THOC3: variants seen among roughly 807,000 people sequenced by gnomAD.
THOC3 encodes THO complex subunit 3.
THOC3 carries 4 observed loss-of-function variants against 23.3 expected under a neutral mutation model. The observed-to-expected ratio is 0.17, with a 90% confidence interval of 0.08 to 0.39. The LOEUF (loss-of-function observed/expected upper bound fraction) is 0.39, where lower values mean the gene tolerates loss of function less well. Among genes scored for constraint, THOC3 ranks in the 10% least tolerant of loss-of-function variants. The pLI is 1.00. For missense variants in THOC3, 64 were observed against 359.4 expected (o/e 0.18, Z 6.65); for synonymous variants, 27 against 141.5 (o/e 0.19, Z 5.74).
Position 175,968,095 on chromosome 5 carries a change from C to T in THOC3, c.114G>A (p.Met38Ile). ...SSGPSRYVLG[M>I]QELFRGHSKT... is the part of the protein sequence containing the mutation. ...TGCTGTGGCCCCGGAACAGCTCCTG[C>T]ATCCCAAGCACGTAGCGCGACGGGC... Residue 38 changes from methionine (M) to isoleucine (I), a missense_variant, in exon 1 of 6, where the codon ATG (methionine) becomes ATA (isoleucine). By Grantham distance (10) the Met-to-Ile change is conservative (BLOSUM62 1). Transcript: ENST00000265097. 1 of 1,610,900 alleles carries T rather than the reference C, an allele frequency of 6.2e-7. No individual in the cohort carries two copies. The highest frequency in any genetic ancestry group is 8.5e-7 in the Non-Finnish European group (1 of 1,179,336).
intron 3 of THOC3, among the ~76,000 whole-genome samples, chr5:175,962,454 G>A (rs1333729532): frequency 8.6e-5 from 6 of 69,910 alleles, no homozygotes; most frequent in African/African-American, 3.6e-4. Context: ...GTAATTCCTA[G>A]GCCAACCCAG....
In THOC3 at chr5:175,964,802, A is replaced by G. The variant is rs201916559; in HGVS notation, c.629+149T>C. ...AAAATATAAAGTATATAAAATATAC[A>G]GCTCAAATGTACTTAAGACAGGTTA... On this transcript the variant is annotated intron_variant, in intron 3 of 5. Transcript: ENST00000265097. 230 of 500,740 alleles carry G rather than the reference A, an allele frequency of 4.6e-4. No individual in the cohort carries two copies. In the East Asian group the frequency reaches 5.2e-3, roughly 11 times the overall value. 31.0% of individuals were successfully genotyped at this position (500,740 alleles called of 1,614,324 possible).
chr5:175,961,801 A>C (rs1756664301), intron 3 of THOC3, among the ~76,000 whole-genome samples: 1 of 152,108 alleles, frequency 6.6e-6, no homozygotes, highest in Non-Finnish European at 1.5e-5. Context: ...TACATCCAGC[A>C]AAACTGAATT....
intron 3 of THOC3, among the ~76,000 whole-genome samples, chr5:175,963,076 TA>T (rs540387784): frequency 3.6e-5 from 5 of 140,182 alleles, no homozygotes; most frequent in South Asian, 2.3e-4. Flanking sequence ...AATGATTCTT[TA>T]AAAAAAAAAC....
chr5:175,962,681 C>G (rs199562382), intron 3 of THOC3, among the ~76,000 whole-genome samples: 3,541 of 141,538 alleles, frequency 0.025, no homozygotes, highest in East Asian at 0.09. Context: ...TGCGTCACCA[C>G]GCCCAGATAA....
chr5:175,965,550 G>A lies in THOC3; in HGVS notation c.425-395C>T, dbSNP rs554803540. The stretch of plus-strand genomic sequence containing the variant: ...CGCCATTCTCTCGCCTCAGCCTCCC[G>A]AGTAGCTGGGACTACAGGCGCCTGC... On this transcript the variant is annotated intron_variant, in intron 2 of 5. Coordinates refer to ENST00000265097, the MANE Select transcript of THOC3 (RefSeq NM_032361.4). Among the ~76,000 whole-genome samples, 17 of 152,312 alleles carry A rather than the reference G, an allele frequency of 1.1e-4. No homozygotes were observed. The East Asian group carries it at 3.1e-3, about 28-fold the overall frequency.
At chr5:175,963,954 T>C (rs1339979929) in intron 3 of THOC3, among the ~76,000 whole-genome samples, 1 of 152,312 alleles carries the variant, frequency 6.6e-6, no homozygotes, top group Non-Finnish European at 1.5e-5. Context: ...ATAGTATGTC[T>C]GTTCTTTCCG....
At chr5:175,966,945 A>G (rs1314393990) in intron 2 of THOC3, among the ~76,000 whole-genome samples, 166 bp downstream of exon 2, 4 of 150,948 alleles carry the variant, frequency 2.6e-5, no homozygotes, top group African/African-American at 9.8e-5. Context: ...ATTTGTATAT[A>G]TATGTCTTCT....
chr5:175,960,430 T>C lies in THOC3; in HGVS notation c.893-298A>G. The C allele has an allele frequency of 1.3e-5, 4 of 319,734 alleles. No individual in the cohort carries two copies. The South Asian group carries it at 1.5e-4, about 12-fold the overall frequency. 19.8% of individuals were successfully genotyped at this position (319,734 alleles called of 1,614,324 possible). ...ATCTGCATGGCTGGATGCTGGACAATGTTCACCACAACGTGACTAACAGGG... is the reference window on the plus strand; with the variant it reads ...ATCTGCATGGCTGGATGCTGGACAACGTTCACCACAACGTGACTAACAGGG... On this transcript the variant is annotated intron_variant, in intron 5 of 5. Transcript: ENST00000265097.
chr5:175,966,063 G>A (rs1756761013), intron 2 of THOC3, among the ~76,000 whole-genome samples: 1 of 148,762 alleles, frequency 6.7e-6, no homozygotes, highest in African/African-American at 2.5e-5. Context: ...TGTGCCTGTA[G>A]TCCCAGCTAC....
In THOC3 at chr5:175,965,256, C is replaced by A; in HGVS notation, c.425-101G>T. On this transcript the variant is annotated intron_variant, in intron 2 of 5. Coordinates refer to ENST00000265097, the MANE Select transcript of THOC3 (RefSeq NM_032361.4). ...AAGAAGACCAGAGCTTTCTTCCGGG[C>A]TTACTCATTAAAGTCCTAGACAATG... 11 of 1,541,248 alleles carry A rather than the reference C, an allele frequency of 7.1e-6. No homozygotes were observed. In the South Asian group the frequency reaches 1.4e-4, roughly 19 times the overall value.
intron 2 of THOC3, among the ~76,000 whole-genome samples, chr5:175,966,669 C>T (rs1756772043): frequency 7.1e-6 from 1 of 141,832 alleles, no homozygotes; most frequent in South Asian, 2.3e-4. Flanking sequence ...TCCCAGATCA[C>T]CAAGACCATC....
At chr5:175,963,205 T>C (rs1475413056) in intron 3 of THOC3, among the ~76,000 whole-genome samples, 1 of 152,234 alleles carries the variant, frequency 6.6e-6, no homozygotes, top group East Asian at 1.9e-4. Context: ...AAATCGCAGA[T>C]GAGAAGCAGC....
chr5:175,965,319 G>C (rs1220754199), intron 2 of THOC3, 164 bp from the exon 3 acceptor site: 13 of 1,263,458 alleles, frequency 1.0e-5, no homozygotes, highest in Non-Finnish European at 1.3e-5. Flanking sequence ...AATAAGTCCA[G>C]AACTTTCATC....
In THOC3 at chr5:175,962,562, T is replaced by C. The variant is rs1200924045; in HGVS notation, c.630-1128A>G. On this transcript the variant is annotated intron_variant, in intron 3 of 5. Transcript: ENST00000265097. ...TTTGAGGTGGAATCTCACTCAGTCG[T>C]CCAGAATGCTGGAGTGCAGTGGTGC... 4.7e-5 allele frequency among the ~76,000 whole-genome samples: 7 copies of C among 148,556 alleles called. No homozygotes were observed. The South Asian group carries it at 1.1e-3, about 23-fold the overall frequency.
In THOC3 at chr5:175,968,056, G is replaced by C. The variant is rs772138521; in HGVS notation, c.153C>G (p.Phe51Leu). The part of the protein sequence containing the change: ...LFRGHSKTRE[F>L]LAHSAKVHSV... ...AGTGCACCTTGGCGCTGTGCGCCAG[G>C]AACTCGCGCGTCTTGCTGTGGCCCC... Residue 51 changes from phenylalanine to leucine, a missense_variant, in exon 1 of 6, where the codon TTC becomes TTG. By Grantham distance (22) the Phe-to-Leu change is conservative. Coordinates refer to ENST00000265097, the MANE Select transcript of THOC3 (RefSeq NM_032361.4). 6.2e-7 allele frequency: 1 copy of C among 1,610,286 alleles called. No individual in the cohort carries two copies. The highest frequency in any genetic ancestry group is 8.5e-7 in the Non-Finnish European group (1 of 1,179,236).
intron 5 of THOC3, chr5:175,960,591 G>A (rs1007937640): frequency 8.6e-6 from 1 of 116,666 alleles, no homozygotes; most frequent in Non-Finnish European, 1.8e-5. Flanking sequence ...ACAAATCTGA[G>A]GAAATTCTTT....
intron 2 of THOC3, among the ~76,000 whole-genome samples, chr5:175,965,432 T>C (rs57204569): frequency 0.11 from 15,985 of 151,000 alleles, 365 homozygotes; most frequent in East Asian, 0.24. Context: ...AAATAGGAGA[T>C]AAGACGACAA....
chr5:175,962,324 T>C (rs1756673951), intron 3 of THOC3, among the ~76,000 whole-genome samples: 1 of 140,938 alleles, frequency 7.1e-6, no homozygotes, highest in Non-Finnish European at 1.5e-5. Context: ...ATTTGTAATA[T>C]AGAAGAGGTT....
Sources: allele counts gnomAD v4.1 joint callset (sites outside exome capture counted in the v4.1 genomes callset), GRCh38; gene constraint gnomAD v4.1.1; transcripts MANE v1.5; gene names NCBI Gene and HGNC (gene_info 2026-07-23, HGNC 2026-07-21).